MYO1E: variants seen among roughly 807,000 people sequenced by gnomAD.
The protein encoded by MYO1E is myosin IE.
In MYO1E, 68 loss-of-function variants were observed where a neutral mutation model predicts 151.1. The ratio of observed to expected loss-of-function variants is 0.45; its 90% CI spans 0.37 to 0.55. The LOEUF (loss-of-function observed/expected upper bound fraction) is 0.55. Among genes scored for constraint, MYO1E ranks in the 20% least tolerant of loss-of-function variants. The pLI, the probability that MYO1E is intolerant of heterozygous loss-of-function variation, is 0.00. For synonymous variants in MYO1E, 601 were observed against 501.7 expected, an observed-to-expected ratio of 1.20 and a Z score of -2.64; for missense variants, 1,363 against 1,389.3, an observed-to-expected ratio of 0.98 and a Z score of 0.30.
chr15:59,299,090 C>T (rs1484285), intron 1 of MYO1E, among the ~76,000 whole-genome samples: 46,130 of 152,054 alleles, frequency 0.3, 7,338 homozygotes, highest in African/African-American at 0.36. Flanking sequence ...TCTTGCTCTG[C>T]CAATATTACG....
intron 1 of MYO1E, among the ~76,000 whole-genome samples, chr15:59,295,881 A>G (rs1244968021): frequency 6.6e-6 from 1 of 152,098 alleles, no homozygotes; most frequent in Admixed American, 6.5e-5. Context: ...AACAATGGCT[A>G]TGTCACTTAC....
intron 1 of MYO1E, among the ~76,000 whole-genome samples, chr15:59,338,642 G>A (rs2080744771): frequency 6.6e-6 from 1 of 152,156 alleles, no homozygotes; most frequent in South Asian, 2.1e-4. Flanking sequence ...AACAGTAGGG[G>A]AGTTTCAACT....
chr15:59,327,174 G>A (rs1383783303), intron 1 of MYO1E, among the ~76,000 whole-genome samples: 1 of 152,140 alleles, frequency 6.6e-6, no homozygotes, highest in Non-Finnish European at 1.5e-5. Context: ...AGTCTCCCAT[G>A]TAATCCTCCA....
intron 1 of MYO1E, among the ~76,000 whole-genome samples, chr15:59,366,851 T>C (rs1184439393): frequency 6.6e-6 from 1 of 152,192 alleles, no homozygotes. Context: ...TTTATTTTAA[T>C]ACCTTTGGCA....
intron 18 of MYO1E, among the ~76,000 whole-genome samples, chr15:59,180,780 T>C (rs532775557): frequency 1.3e-5 from 2 of 152,340 alleles, no homozygotes; most frequent in South Asian, 2.1e-4. Flanking sequence ...TTCTCTAGGA[T>C]ATACTCATGG....
intron 1 of MYO1E, among the ~76,000 whole-genome samples, chr15:59,346,994 G>A (rs2080797692): frequency 6.6e-6 from 1 of 152,042 alleles, no homozygotes; most frequent in Non-Finnish European, 1.5e-5. Context: ...CTGAAAGAAG[G>A]GCTGATGGGG....
intron 17 of MYO1E, among the ~76,000 whole-genome samples, chr15:59,191,908 G>C (rs4775124): frequency 0.48 from 72,687 of 151,980 alleles, 19,546 homozygotes; most frequent in Non-Finnish European, 0.63. Flanking sequence ...CAGGGCTAGA[G>C]AACTCTGCAA....
At chr15:59,305,646 C>T (rs2080510501) in intron 1 of MYO1E, among the ~76,000 whole-genome samples, 2 of 152,214 alleles carry the variant, frequency 1.3e-5, no homozygotes, top group African/African-American at 2.4e-5. Context: ...AGATTTCCTC[C>T]CATCTGAACA....
chr15:59,357,597 TTGTTG>T (rs2080862271), intron 1 of MYO1E, among the ~76,000 whole-genome samples: 2 of 2,034 alleles, frequency 9.8e-4, no homozygotes, highest in East Asian at 0.1. Context: ...GCTATTTTTG[TTGTTG>T]TTGTTGTTGT....
chr15:59,319,782 A>G (rs1305608947), intron 1 of MYO1E, among the ~76,000 whole-genome samples: 1 of 152,026 alleles, frequency 6.6e-6, no homozygotes, highest in Admixed American at 6.5e-5. Flanking sequence ...ATATGCCTGT[A>G]ATCCCAGCTA....
At chr15:59,344,893 T>G (rs1168282220) in intron 1 of MYO1E, among the ~76,000 whole-genome samples, 1 of 152,190 alleles carries the variant, frequency 6.6e-6, no homozygotes, top group African/African-American at 2.4e-5. Flanking sequence ...CAATAGGTAC[T>G]AAAAGACCAA....
At chr15:59,370,910 C>G (rs903443250) in intron 1 of MYO1E, among the ~76,000 whole-genome samples, 1 of 152,146 alleles carries the variant, frequency 6.6e-6, no homozygotes, top group Non-Finnish European at 1.5e-5. Flanking sequence ...GACTATCACA[C>G]TGCTTCAAGG....
chr15:59,273,199 T>C lies in MYO1E; in HGVS notation c.4-750A>G, dbSNP rs58128910. On this transcript the variant is annotated intron_variant, in intron 1 of 27. Transcript: ENST00000288235. ...TGGGTAGATGAAGCTGTGGCCCTCA[T>C]CTACGTCTGGGATTTTTCAGCTTCA... is the stretch of plus-strand genomic sequence containing the variant. 2.4e-3 allele frequency among the ~76,000 whole-genome samples: 361 copies of C among 152,326 alleles called. 3 individuals carry two copies. The highest frequency in any genetic ancestry group is 8.3e-3 in the African/African-American group (344 of 41,580).
intron 1 of MYO1E, among the ~76,000 whole-genome samples, chr15:59,336,167 T>G (rs1264574577): frequency 6.6e-6 from 1 of 152,056 alleles, no homozygotes; most frequent in Non-Finnish European, 1.5e-5. Flanking sequence ...GGCTAGGAGT[T>G]TGAGACCAGC....
At chr15:59,347,259 G>T (rs2080799626) in intron 1 of MYO1E, among the ~76,000 whole-genome samples, 1 of 152,162 alleles carries the variant, frequency 6.6e-6, no homozygotes, top group Non-Finnish European at 1.5e-5. Context: ...ATATACGCAG[G>T]ATCCAGGCTG....
intron 16 of MYO1E, among the ~76,000 whole-genome samples, chr15:59,200,381 C>G (rs941634923): frequency 2.0e-5 from 3 of 152,198 alleles, no homozygotes; most frequent in Non-Finnish European, 4.4e-5. Flanking sequence ...CATTTGTTTT[C>G]TGCCTTCAGC....
At chr15:59,213,330 C>A (rs2079892707) in intron 12 of MYO1E, among the ~76,000 whole-genome samples, 1 of 151,938 alleles carries the variant, frequency 6.6e-6, no homozygotes, top group Admixed American at 6.6e-5. Flanking sequence ...ACCATCACGC[C>A]CAGCTAATTT....
chr15:59,177,867 C>T (rs867169543), intron 19 of MYO1E, among the ~76,000 whole-genome samples: 1 of 152,228 alleles, frequency 6.6e-6, no homozygotes, highest in African/African-American at 2.4e-5. Flanking sequence ...TAGGCTCCCC[C>T]ACAGCCTTCT....
At position 59,218,036 on chromosome 15, in the gene MYO1E, T is replaced by G; in HGVS notation, c.962A>C (p.Glu321Ala). Residue 321 changes from glutamate (E) to alanine (A), a missense_variant, in exon 10 of 28, where the codon GAA becomes GCA. By Grantham distance (107) the Glu-to-Ala change is moderately radical. Transcript: ENST00000288235. ...ATCCATCTGCCGGCTTGTTAGCTTT[T>G]CTTTCAACCGGTCCTGGTTTATCCC... ...LLGINQDRLKEKLTSRQMDSK... is the reference protein window; with the variant it reads ...LLGINQDRLKAKLTSRQMDSK... The G allele has an allele frequency of 6.2e-7, 1 of 1,614,246 alleles. No individual in the cohort carries two copies. The highest frequency in any genetic ancestry group is 8.5e-7 in the Non-Finnish European group (1 of 1,180,044).
Sources: allele counts gnomAD v4.1 joint callset (sites outside exome capture counted in the v4.1 genomes callset), GRCh38; gene constraint gnomAD v4.1.1; transcripts MANE v1.5; gene names NCBI Gene and HGNC (gene_info 2026-07-23, HGNC 2026-07-21).